Variants in SYN3 observed in about 807,000 individuals in gnomAD.
SYN3 encodes synapsin III.
Under a neutral mutation model 65.8 loss-of-function variants are expected in SYN3, and 35 were observed. That is an observed-to-expected ratio of 0.53 (90% CI 0.41 to 0.70). SYN3 has a LOEUF of 0.70. SYN3 is among the 30% of genes least tolerant of loss of function. The probability of loss-of-function intolerance (pLI) is 0.00; values close to 1 mark genes in which losing one functional copy is unlikely to be tolerated. For missense variants in SYN3, 680 were observed against 749.0 expected (o/e 0.91, Z 1.08); for synonymous variants, 270 against 292.9 (o/e 0.92, Z 0.80).
intron 6 of SYN3, among the ~76,000 whole-genome samples, chr22:32,624,303 TG>T (rs1197904569): frequency 3.3e-5 from 5 of 151,730 alleles, no homozygotes; most frequent in East Asian, 1.9e-4. Flanking sequence ...AGAGGCTGGG[TG>T]GGGGGTCACT....
chr22:32,790,400 A>G (rs2046296745), intron 6 of SYN3, among the ~76,000 whole-genome samples: 1 of 105,684 alleles, frequency 9.5e-6, no homozygotes, highest in Admixed American at 1.0e-4. Flanking sequence ...ATATAATTAA[A>G]TTAAACTTTA....
At chr22:32,612,741 C>T (rs900716842) in intron 6 of SYN3, among the ~76,000 whole-genome samples, 1 of 152,058 alleles carries the variant, frequency 6.6e-6, no homozygotes, top group African/African-American at 2.4e-5. Flanking sequence ...ACTTGGGAGG[C>T]TGAGGTGGGA....
rs925059704 is a variant in SYN3 at position 32,527,831 on chromosome 22, C to T, written c.1318+87G>A. The T allele has an allele frequency of 1.0e-5, 12 of 1,154,032 alleles. No homozygotes were observed. The African/African-American group carries it at 1.9e-4, about 18-fold the overall frequency. 71.5% of individuals were successfully genotyped at this position (1,154,032 alleles called of 1,614,324 possible). A position where few individuals can be genotyped will look rare whatever the true frequency, so the allele number is the denominator to read the frequency against. Reference sequence around the variant, plus strand: ...GTATTCAGGTGCATTTTCCCAGAGCCCCTTGTGGGAATCACATGTGGATCC... The same window carrying T: ...GTATTCAGGTGCATTTTCCCAGAGCTCCTTGTGGGAATCACATGTGGATCC... On this transcript the variant is annotated intron_variant, in intron 12 of 13. Coordinates refer to ENST00000358763, the MANE Select transcript of SYN3 (RefSeq NM_003490.4).
chr22:32,568,846 G>C (rs975003766), intron 7 of SYN3, among the ~76,000 whole-genome samples: 2 of 152,192 alleles, frequency 1.3e-5, no homozygotes, highest in African/African-American at 4.8e-5. Flanking sequence ...GACACAACCG[G>C]AGAGTGTCCT....
chr22:32,575,245 C>T (rs2058834782), intron 7 of SYN3, among the ~76,000 whole-genome samples: 1 of 152,234 alleles, frequency 6.6e-6, no homozygotes, highest in Admixed American at 6.5e-5. Flanking sequence ...AGCCAGGTCA[C>T]TGTTGAGGAA....
chr22:32,890,008 T>A (rs1212236991), intron 4 of SYN3, among the ~76,000 whole-genome samples: 1 of 151,400 alleles, frequency 6.6e-6, no homozygotes, highest in African/African-American at 2.4e-5. Flanking sequence ...AATTTTTTTT[T>A]ATCCTAAAAA....
chr22:32,639,615 C>A (rs1166864463), intron 6 of SYN3, among the ~76,000 whole-genome samples: 4 of 151,234 alleles, frequency 2.6e-5, no homozygotes, highest in Non-Finnish European at 5.9e-5. Context: ...GTGGTGCTAT[C>A]ATAGCTCACT....
chr22:32,539,925 G>A (rs1269815811), intron 8 of SYN3, among the ~76,000 whole-genome samples: 1 of 152,226 alleles, frequency 6.6e-6, no homozygotes, highest in Non-Finnish European at 1.5e-5. Context: ...CTCAGAGGGG[G>A]CAGGGAGGAG....
chr22:33,016,540 TTTC>T (rs2053470507), intron 1 of SYN3, among the ~76,000 whole-genome samples: 1 of 152,232 alleles, frequency 6.6e-6, no homozygotes, highest in Non-Finnish European at 1.5e-5. Flanking sequence ...AGTTTTCCCT[TTTC>T]TTTACACTCG....
At chr22:32,905,696 A>T (rs2049883954) in intron 4 of SYN3, among the ~76,000 whole-genome samples, 1 of 152,228 alleles carries the variant, frequency 6.6e-6, no homozygotes, top group Non-Finnish European at 1.5e-5. Flanking sequence ...CCAGAGCCAC[A>T]GGGTTTGAAG....
At chr22:32,963,823 G>A (rs2051737307) in intron 3 of SYN3, among the ~76,000 whole-genome samples, 1 of 152,160 alleles carries the variant, frequency 6.6e-6, no homozygotes, top group South Asian at 2.1e-4. Flanking sequence ...GAGCCAGTGA[G>A]AGACCAAAGC....
chr22:32,576,474 A>T (rs1421479809), intron 7 of SYN3, among the ~76,000 whole-genome samples: 2 of 152,214 alleles, frequency 1.3e-5, no homozygotes, highest in Admixed American at 6.5e-5. Flanking sequence ...GGCACCTAGT[A>T]TGCGGTCAAT....
In SYN3 at chr22:32,801,888, G is replaced by T. The variant is rs935955088; in HGVS notation, c.711+63027C>A. ...GGGCAGCGCGCCGGAGGCCAAGGTT[G>T]CCCCGCACGGCCCGGCGGGCGAGCG... On this transcript the variant is annotated intron_variant, in intron 6 of 13. Coordinates refer to ENST00000358763, the MANE Select transcript of SYN3 (RefSeq NM_003490.4). This position sits in a 1 kb window ranked among gnomAD's most constrained non-coding sequence, Gnocchi z 4.7. 1 of 1,337,794 alleles carries T rather than the reference G, an allele frequency of 7.5e-7. No individual in the cohort carries two copies. The highest frequency in any genetic ancestry group is 1.6e-5 in the African/African-American group (1 of 64,142). The allele number at this position is 1,337,794 out of a possible 1,614,324, so 82.9% of individuals were successfully genotyped here.
At chr22:32,981,323 C>T (rs1237619447) in intron 2 of SYN3, among the ~76,000 whole-genome samples, 5 of 151,460 alleles carry the variant, frequency 3.3e-5, no homozygotes, top group Admixed American at 1.3e-4. Context: ...CTGTGGCTCA[C>T]GCCTGTAATC....
chr22:32,633,072 G>T (rs1330930225), intron 6 of SYN3, among the ~76,000 whole-genome samples: 3 of 152,202 alleles, frequency 2.0e-5, no homozygotes, highest in African/African-American at 4.8e-5. Context: ...CTGAACCTTG[G>T]TTTCCTCATT....
At chr22:32,748,241 T>C in intron 6 of SYN3, among the ~76,000 whole-genome samples, 1 of 152,206 alleles carries the variant, frequency 6.6e-6, no homozygotes, top group East Asian at 1.9e-4. Context: ...GGCCAACAGA[T>C]AGTAGATACT....
At chr22:32,833,164 C>G (rs185511094) in intron 6 of SYN3, among the ~76,000 whole-genome samples, 2 of 152,116 alleles carry the variant, frequency 1.3e-5, no homozygotes, top group African/African-American at 4.8e-5. Context: ...GTATACTGAT[C>G]GGTGGCTCCT....
At chr22:32,899,680 A>G (rs369657838) in intron 4 of SYN3, among the ~76,000 whole-genome samples, 107 of 152,364 alleles carry the variant, frequency 7.0e-4, no homozygotes, top group African/African-American at 2.5e-3. Context: ...CTGGAGTTAA[A>G]ATGCTGGGTT....
At chr22:33,035,363 C>A (rs2053840373) in intron 1 of SYN3, among the ~76,000 whole-genome samples, 1 of 113,054 alleles carries the variant, frequency 8.8e-6, no homozygotes, top group African/African-American at 3.5e-5. Context: ...ACTTCTTATG[C>A]AAAAGGGACA....
Sources: allele counts gnomAD v4.1 joint callset (sites outside exome capture counted in the v4.1 genomes callset), GRCh38; gene constraint gnomAD v4.1.1; non-coding constraint Gnocchi (gnomAD v3.1); transcripts MANE v1.5; gene names NCBI Gene and HGNC (gene_info 2026-07-23, HGNC 2026-07-21).